The following GRM7 variants were observed in gnomAD, a reference collection of about 807,000 sequenced individuals.
GRM7 encodes metabotropic glutamate receptor 7.
In GRM7, 35 loss-of-function variants were observed where a neutral mutation model predicts 84.5. The ratio of observed to expected loss-of-function variants is 0.41; its 90% CI spans 0.32 to 0.55. The LOEUF is 0.55. Among genes scored for constraint, GRM7 ranks in the 20% least tolerant of loss-of-function variants. The pLI is 0.19. For missense variants in GRM7, 1,003 were observed against 1,194.6 expected, an observed-to-expected ratio of 0.84 and a Z score of 2.36; for synonymous variants, 487 against 455.1, an observed-to-expected ratio of 1.07 and a Z score of -0.89.
At chr3:7,027,228 A>C (rs1439497774) in intron 1 of GRM7, among the ~76,000 whole-genome samples, 1 of 152,108 alleles carries the variant, frequency 6.6e-6, no homozygotes, top group Non-Finnish European at 1.5e-5. Context: ...AGGGACCACA[A>C]ACTGCTGGCT....
chr3:6,986,800 C>G (rs998184368), intron 1 of GRM7, among the ~76,000 whole-genome samples: 1 of 152,156 alleles, frequency 6.6e-6, no homozygotes, highest in South Asian at 2.1e-4. Context: ...TCAGCCCCAC[C>G]AGCACTCTGC....
rs1213386759 is a variant in GRM7 at position 7,135,266 on chromosome 3, T to C, written c.520-11186T>C. On this transcript the variant is annotated intron_variant, in intron 1 of 9. Coordinates refer to ENST00000357716, the MANE Select transcript of GRM7 (RefSeq NM_000844.4). ...AAGTATAAATCAAAGGGAGTGATGT[T>C]TCAAAGAATAAGCCCGAAATGGTTC... Among the ~76,000 whole-genome samples the C allele has an allele frequency of 2.6e-5, 4 of 152,314 alleles. No individual in the cohort carries two copies. In the East Asian group the frequency reaches 7.7e-4, roughly 29 times the overall value.
intron 7 of GRM7, among the ~76,000 whole-genome samples, chr3:7,474,861 ATGCC>A (rs1283862441): frequency 5.3e-5 from 8 of 152,196 alleles, no homozygotes; most frequent in African/African-American, 1.9e-4. Context: ...AGGCAATTAT[ATGCC>A]TGCAGGAAAG....
At chr3:7,168,524 A>G (rs899661257) in intron 2 of GRM7, among the ~76,000 whole-genome samples, 75 of 152,190 alleles carry the variant, frequency 4.9e-4, no homozygotes, top group African/African-American at 1.6e-3. Context: ...GGAAAAGAGC[A>G]GGACACTGAA....
chr3:7,159,129 G>C (rs1275751421), intron 2 of GRM7, among the ~76,000 whole-genome samples: 1 of 152,114 alleles, frequency 6.6e-6, no homozygotes, highest in East Asian at 1.9e-4. Context: ...ATGTGTGTGT[G>C]AGAAAGATTA....
At chr3:7,702,162 G>C (rs1379414418) in intron 9 of GRM7, among the ~76,000 whole-genome samples, 4 of 152,214 alleles carry the variant, frequency 2.6e-5, no homozygotes, top group Non-Finnish European at 5.9e-5. Flanking sequence ...GTAAATAATT[G>C]TGGGCTCTTC....
At chr3:6,980,204 A>G (rs1332745057) in intron 1 of GRM7, among the ~76,000 whole-genome samples, 2 of 152,158 alleles carry the variant, frequency 1.3e-5, no homozygotes, top group Non-Finnish European at 2.9e-5. Flanking sequence ...AAAAACAAAT[A>G]AAACTTACCT....
chr3:7,130,588 G>A (rs548255046), intron 1 of GRM7, among the ~76,000 whole-genome samples: 1 of 150,402 alleles, frequency 6.6e-6, no homozygotes, highest in African/African-American at 2.4e-5. Context: ...ATGGCCCATG[G>A]AGAGGATTAG....
chr3:6,925,942 A>ACCAT (rs1559332300), intron 1 of GRM7, among the ~76,000 whole-genome samples: 1 of 152,076 alleles, frequency 6.6e-6, no homozygotes, highest in Non-Finnish European at 1.5e-5. Context: ...TAGGCTCCTC[A>ACCAT]CCATTTTGTT....
chr3:7,630,905 C>A (rs1177806161), intron 8 of GRM7, among the ~76,000 whole-genome samples: 4 of 152,176 alleles, frequency 2.6e-5, no homozygotes, highest in African/African-American at 7.2e-5. Flanking sequence ...GCCCGATGAA[C>A]CCAGTGAATA....
At chr3:7,003,883 A>T (rs564934913) in intron 1 of GRM7, among the ~76,000 whole-genome samples, 1 of 152,288 alleles carries the variant, frequency 6.6e-6, no homozygotes, top group African/African-American at 2.4e-5. Context: ...TTTACTCAAG[A>T]TGCCAGCTAG....
chr3:7,710,028 G>A (rs1701526254), intron 9 of GRM7, among the ~76,000 whole-genome samples: 3 of 152,146 alleles, frequency 2.0e-5, no homozygotes, highest in African/African-American at 4.8e-5. Context: ...TCTGAATGCT[G>A]CCCCACTTCT....
At chr3:7,278,358 C>A (rs1356564767) in intron 2 of GRM7, among the ~76,000 whole-genome samples, 1 of 151,946 alleles carries the variant, frequency 6.6e-6, no homozygotes, top group African/African-American at 2.4e-5. Flanking sequence ...GAATCTGTTT[C>A]ATTTGAGCAA....
chr3:7,500,397 C>T (rs1179944384), intron 7 of GRM7, among the ~76,000 whole-genome samples: 2 of 152,176 alleles, frequency 1.3e-5, no homozygotes, highest in Non-Finnish European at 2.9e-5. Context: ...AATGCATTGC[C>T]CTAAGCTGTA....
rs536373022 is a variant in GRM7 at position 7,041,985 on chromosome 3, G to T, written c.520-104467G>T. Among the ~76,000 whole-genome samples the T allele has an allele frequency of 5.9e-5, 9 of 152,302 alleles. No homozygotes were observed. The South Asian group carries it at 1.7e-3, about 28-fold the overall frequency. On this transcript the variant is annotated intron_variant, in intron 1 of 9. Transcript: ENST00000357716. ...AAGGACTGCATTCAGAGAGCTATCA[G>T]ATAGCTGAGCACATGGAGTCTCCTG...
At chr3:7,325,440 T>A (rs183380986) in intron 4 of GRM7, among the ~76,000 whole-genome samples, 91 of 152,266 alleles carry the variant, frequency 6.0e-4, no homozygotes, top group Non-Finnish European at 4.3e-4. Context: ...TCTGATTTGG[T>A]ATGTCTGGAG....
intron 2 of GRM7, among the ~76,000 whole-genome samples, chr3:7,176,229 T>TAAAAAAAAA (rs55732650): frequency 1.7e-3 from 108 of 63,130 alleles, no homozygotes; most frequent in Non-Finnish European, 2.2e-3. Flanking sequence ...CTATAAAAAG[T>TAAAAAAAAA]AAAAAAAAAA....
At chr3:6,889,876 T>C (rs552623355) in intron 1 of GRM7, among the ~76,000 whole-genome samples, 1 of 152,306 alleles carries the variant, frequency 6.6e-6, no homozygotes, top group South Asian at 2.1e-4. Flanking sequence ...CTCTTTTTGG[T>C]TGGTAAGCTA....
chr3:7,254,759 TTC>T (rs1698133979), intron 2 of GRM7, among the ~76,000 whole-genome samples: 1 of 152,224 alleles, frequency 6.6e-6, no homozygotes. Flanking sequence ...GTTGCTTAAC[TTC>T]TCTGAGCTTC....
Sources: allele counts gnomAD v4.1 joint callset (sites outside exome capture counted in the v4.1 genomes callset), GRCh38; gene constraint gnomAD v4.1.1; transcripts MANE v1.5; gene names NCBI Gene and HGNC (gene_info 2026-07-23, HGNC 2026-07-21).